The following KIAA1328 variants were observed in gnomAD, a reference collection of about 807,000 sequenced individuals.
KIAA1328 encodes KIAA1328.
A neutral mutation model predicts 68.1 loss-of-function variants in KIAA1328; 52 were observed. The ratio of observed to expected loss-of-function variants is 0.76; its 90% CI spans 0.61 to 0.96. The LOEUF (loss-of-function observed/expected upper bound fraction) is 0.96. KIAA1328 is among the 40% of genes least tolerant of loss of function. The probability of loss-of-function intolerance (pLI) is 0.00; values close to 1 mark genes in which losing one functional copy is unlikely to be tolerated. For synonymous variants in KIAA1328, 232 were observed against 239.4 expected (o/e 0.97, Z 0.28); for missense variants, 641 against 677.6 (o/e 0.95, Z 0.60).
intron 5 of KIAA1328, among the ~76,000 whole-genome samples, chr18:36,951,012 G>A (rs2051138100): frequency 1.3e-5 from 2 of 152,188 alleles, no homozygotes; most frequent in Admixed American, 6.5e-5. Context: ...AACTGGGGTG[G>A]CTGCTTTTCA....
chr18:36,982,155 A>AAT (rs138352182), intron 6 of KIAA1328, among the ~76,000 whole-genome samples: 19 of 141,288 alleles, frequency 1.3e-4, no homozygotes, highest in African/African-American at 3.9e-4. Flanking sequence ...AAATATATAT[A>AAT]ATATATATAT....
At chr18:37,025,726 G>A (rs1352201481) in intron 6 of KIAA1328, among the ~76,000 whole-genome samples, 1 of 152,194 alleles carries the variant, frequency 6.6e-6, no homozygotes, top group African/African-American at 2.4e-5. Context: ...TCAAAGCAGT[G>A]TGTAGAGGGA....
chr18:36,837,840 T>C (rs1281926133), intron 3 of KIAA1328, among the ~76,000 whole-genome samples: 1 of 152,166 alleles, frequency 6.6e-6, no homozygotes, highest in African/African-American at 2.4e-5. Flanking sequence ...TTAAAAAAAC[T>C]GTCCTTTCCC....
At chr18:36,883,469 A>C (rs932643239) in intron 4 of KIAA1328, among the ~76,000 whole-genome samples, 1 of 152,206 alleles carries the variant, frequency 6.6e-6, no homozygotes, top group African/African-American at 2.4e-5. Context: ...CTACAAAGGC[A>C]TCTGAGCAGG....
intron 5 of KIAA1328, among the ~76,000 whole-genome samples, chr18:36,899,828 G>A (rs1328030598): frequency 6.6e-6 from 1 of 151,930 alleles, no homozygotes; most frequent in Non-Finnish European, 1.5e-5. Flanking sequence ...TTTTCTTGCT[G>A]TAAGGTGCTA....
intron 7 of KIAA1328, among the ~76,000 whole-genome samples, chr18:37,108,637 A>C (rs1020095308): frequency 1.3e-5 from 2 of 152,212 alleles, no homozygotes; most frequent in African/African-American, 4.8e-5. Context: ...TTAACACATC[A>C]CCAGTCTGGT....
chr18:36,849,115 C>T (rs867206474), intron 4 of KIAA1328, among the ~76,000 whole-genome samples: 3 of 151,788 alleles, frequency 2.0e-5, no homozygotes, highest in African/African-American at 7.3e-5. Flanking sequence ...TTCACATTGT[C>T]GTGCAACCAG....
intron 6 of KIAA1328, among the ~76,000 whole-genome samples, chr18:37,038,054 T>G (rs1332031591): frequency 1.3e-5 from 2 of 151,644 alleles, no homozygotes; most frequent in Non-Finnish European, 2.9e-5. Flanking sequence ...TGAGGTGAGA[T>G]CGTGCCACTG....
chr18:37,003,786 G>A (rs747929966), intron 6 of KIAA1328, among the ~76,000 whole-genome samples: 2 of 152,090 alleles, frequency 1.3e-5, no homozygotes, highest in South Asian at 4.1e-4. Flanking sequence ...TGAGGATGCA[G>A]TTTCGTTCTC....
chr18:37,156,426 CAAAAAAA>C (rs769062667), intron 7 of KIAA1328, among the ~76,000 whole-genome samples: 9 of 36,106 alleles, frequency 2.5e-4, no homozygotes, highest in South Asian at 1.2e-3. Context: ...AACTCCGCCT[CAAAAAAA>C]AAAAAAAAAA....
intron 5 of KIAA1328, among the ~76,000 whole-genome samples, chr18:36,920,690 T>C (rs1232976838): frequency 2.0e-5 from 3 of 152,220 alleles, no homozygotes; most frequent in African/African-American, 7.2e-5. Context: ...ACATAGTTTT[T>C]GTACTCTGGC....
chr18:36,973,579 C>T (rs994771010), intron 6 of KIAA1328, among the ~76,000 whole-genome samples: 1 of 152,016 alleles, frequency 6.6e-6, no homozygotes, highest in East Asian at 1.9e-4. Flanking sequence ...GAGAAGGCAT[C>T]GTTCTCTATA....
At position 37,224,904 on chromosome 18, in the gene KIAA1328, C is replaced by G. The variant is rs2060619959; in HGVS notation, c.*2677C>G. ...GGACACAGCATGTCCTTTGAACTCC[C>G]TAAGTAAGGCCCACAGTTCTTGATG... On this transcript the variant is annotated 3_prime_UTR_variant, in exon 10 of 10. Transcript: ENST00000280020. 1 of 985,326 alleles carries G rather than the reference C, an allele frequency of 1.0e-6. No individual in the cohort carries two copies. The highest frequency in any genetic ancestry group is 1.7e-5 in the African/African-American group (1 of 57,236). The allele number at this position is 985,326 out of a possible 1,614,324, so 61.0% of individuals were successfully genotyped here. A position where few individuals can be genotyped will look rare whatever the true frequency, so the allele number is the denominator to read the frequency against.
chr18:37,148,129 C>T (rs143400751), intron 7 of KIAA1328, among the ~76,000 whole-genome samples: 1 of 152,100 alleles, frequency 6.6e-6, no homozygotes, highest in Non-Finnish European at 1.5e-5. Context: ...CTCCCTCCCC[C>T]CACCACACCT....
chr18:37,202,459 A>G (rs747302430), intron 9 of KIAA1328, among the ~76,000 whole-genome samples: 2 of 152,204 alleles, frequency 1.3e-5, no homozygotes, highest in African/African-American at 2.4e-5. Flanking sequence ...TGTATTCAAG[A>G]GTACTTGTCA....
chr18:37,120,221 C>CTGTGGCTACTCAG (rs1556891752), intron 7 of KIAA1328, among the ~76,000 whole-genome samples: 1 of 151,860 alleles, frequency 6.6e-6, no homozygotes, highest in Non-Finnish European at 1.5e-5. Flanking sequence ...ACCAATTAGT[C>CTGTGGCTACTCAG]TGTGATCTAA....
intron 5 of KIAA1328, among the ~76,000 whole-genome samples, chr18:36,952,417 T>A (rs10853439): frequency 0.73 from 110,159 of 151,650 alleles, 42,923 homozygotes; most frequent in South Asian, 0.88. Flanking sequence ...CTTTTTTTTT[T>A]AAAAAATGTA....
intron 5 of KIAA1328, among the ~76,000 whole-genome samples, chr18:36,949,601 C>CCT (rs1556833428): frequency 9.3e-6 from 1 of 107,002 alleles, no homozygotes; most frequent in African/African-American, 3.4e-5. Context: ...CCCAGCTCCC[C>CCT]CCCCCCCACC....
chr18:37,026,426 A>T (rs971314086), intron 6 of KIAA1328, among the ~76,000 whole-genome samples: 17 of 152,206 alleles, frequency 1.1e-4, no homozygotes, highest in Non-Finnish European at 2.1e-4. Context: ...ACAAAAAAAG[A>T]GAATTTTAGA....
Sources: gnomAD v4.1 joint callset for allele counts (sites outside exome capture counted in the v4.1 genomes callset) on GRCh38, gnomAD v4.1.1 for gene constraint, MANE v1.5 for transcripts, NCBI Gene and HGNC (gene_info 2026-07-23, HGNC 2026-07-21) for gene names.